The following CUBN variants were observed in gnomAD, a reference collection of about 807,000 sequenced individuals.
CUBN encodes the protein 460 kDa receptor.
A neutral mutation model predicts 405.3 loss-of-function variants in CUBN; 282 were observed. The ratio of observed to expected loss-of-function variants is 0.70; its 90% CI spans 0.63 to 0.77. CUBN has a LOEUF of 0.77. Ranked by LOEUF, CUBN falls within the 30% of genes least tolerant of loss-of-function variation. CUBN has a pLI of 0.00. For synonymous variants in CUBN, 1,684 were observed against 1,617.0 expected (o/e 1.04, Z -0.99); for missense variants, 4,514 against 4,475.2 (o/e 1.01, Z -0.25).
At chr10:17,050,877 C>T (rs1410335445) in intron 22 of CUBN, among the ~76,000 whole-genome samples, 1 of 152,096 alleles carries the variant, frequency 6.6e-6, no homozygotes, top group Non-Finnish European at 1.5e-5. Flanking sequence ...TATTCTTTAG[C>T]AAGTACAGAT....
At position 17,085,789 on chromosome 10, in the gene CUBN, A is replaced by G. The variant is rs1004578557; in HGVS notation, c.1948-30T>C. 5 of 1,605,348 alleles carry G rather than the reference A, an allele frequency of 3.1e-6. No homozygotes were observed. The East Asian group carries it at 1.1e-4, about 36-fold the overall frequency. On this transcript the variant is annotated intron_variant, in intron 15 of 66. Coordinates refer to ENST00000377833, the MANE Select transcript of CUBN (RefSeq NM_001081.4). ...AACAAAAGGATGAATCATTAAGCTC[A>G]AAGTGGTCAGATTTTTAACAAACTA...
chr10:16,840,875 A>G lies in CUBN; in HGVS notation c.9826+10T>C. 6.2e-7 allele frequency: 1 copy of G among 1,603,820 alleles called. No individual in the cohort carries two copies. The highest frequency in any genetic ancestry group is 1.7e-5 in the Admixed American group (1 of 59,994). ...TTTCATAACATATAAAAATGCTTCT[A>G]TTTACTCACTGTCCATGATGGTGTA... On this transcript the variant is annotated intron_variant, in intron 61 of 66. Transcript: ENST00000377833.
Position 16,824,951 on chromosome 10 carries a change from G to A in CUBN, c.*24C>T, listed in dbSNP as rs752695825. 5.2e-6 allele frequency: 8 copies of A among 1,541,708 alleles called. No individual in the cohort carries two copies. In the Middle Eastern group the frequency reaches 5.0e-4, roughly 97 times the overall value. The stretch of plus-strand genomic sequence containing the variant: ...CAGCGTGCTGCAGAGGGAAAGTGCT[G>A]AGTGAACACGAGTTGTTACCCACTT... On this transcript the variant is annotated 3_prime_UTR_variant, in exon 67 of 67. Coordinates refer to ENST00000377833, the MANE Select transcript of CUBN (RefSeq NM_001081.4).
At chr10:17,007,209 G>A (rs1453142509) in intron 28 of CUBN, among the ~76,000 whole-genome samples, 2 of 147,452 alleles carry the variant, frequency 1.4e-5, no homozygotes, top group South Asian at 4.4e-4. Context: ...CCCAGATGGA[G>A]GCCTCCAAGG....
At chr10:17,010,532 A>C (rs1421574473) in intron 28 of CUBN, among the ~76,000 whole-genome samples, 1 of 152,108 alleles carries the variant, frequency 6.6e-6, no homozygotes, top group Admixed American at 6.6e-5. Context: ...TCAGCTACTC[A>C]AGAGGCTGAA....
At chr10:17,052,582 C>A (rs1254756986) in intron 22 of CUBN, among the ~76,000 whole-genome samples, 1 of 151,210 alleles carries the variant, frequency 6.6e-6, no homozygotes, top group Non-Finnish European at 1.5e-5. Context: ...CATGGTGAAA[C>A]CCTGTCTCTA....
At chr10:17,023,332 A>G (rs1302994779) in intron 27 of CUBN, among the ~76,000 whole-genome samples, 1 of 152,072 alleles carries the variant, frequency 6.6e-6, no homozygotes, top group African/African-American at 2.4e-5. Flanking sequence ...ATGCTTAAAT[A>G]TAATGTCCAA....
At chr10:16,993,279 T>C (rs1457644052) in intron 28 of CUBN, among the ~76,000 whole-genome samples, 1 of 152,274 alleles carries the variant, frequency 6.6e-6, no homozygotes, top group Non-Finnish European at 1.5e-5. Flanking sequence ...ATAGCTCATT[T>C]CTGCATTTTT....
intron 30 of CUBN, among the ~76,000 whole-genome samples, 173 bp downstream of exon 30, chr10:16,983,932 G>C (rs974554311): frequency 6.6e-6 from 1 of 152,198 alleles, no homozygotes; most frequent in East Asian, 1.9e-4. Context: ...CCCTTAGGAA[G>C]TTAAACTTTA....
chr10:16,984,112 GAC>G lies in CUBN; in HGVS notation c.4516_4517del (p.Val1506HisfsTer25). 6.2e-7 allele frequency: 1 copy of G among 1,614,134 alleles called. No individual in the cohort carries two copies. The highest frequency in any genetic ancestry group is 8.5e-7 in the Non-Finnish European group (1 of 1,180,024). On this transcript the variant is annotated frameshift_variant, in exon 30 of 67. Coordinates refer to ENST00000377833, the MANE Select transcript of CUBN (RefSeq NM_001081.4). LOFTEE classifies it high-confidence loss of function. ...GRGFNASWQA[V>X]TGGCGGIFQA... ...CCTCCTTTTCTCACTCACCTCCAGTGACTGCTTGCCATGACGCATTGAAGCCT... is the reference window on the plus strand; with the variant it reads ...CCTCCTTTTCTCACTCACCTCCAGTGTGCTTGCCATGACGCATTGAAGCCT...
At chr10:17,125,670 G>C (rs1472694924) in intron 4 of CUBN, among the ~76,000 whole-genome samples, 1 of 152,168 alleles carries the variant, frequency 6.6e-6, no homozygotes, top group Non-Finnish European at 1.5e-5. Context: ...GGGGACTGTG[G>C]TGGCCAGAGA....
rs928535213 is a variant in CUBN at position 16,920,071 on chromosome 10, G to T, written c.6713C>A (p.Pro2238His). ...ATCAGCGTGCGGGGGATAATTATGA[G>T]GGTGGTTGGGGGAGGTCACATACCC... ...SAGYVTSPNH[P>H]HNYPPHADCI... The change falls in exon 44 of 67, where the codon CCT becomes CAT. Residue 2238 changes from proline to histidine, a missense_variant. By Grantham distance (77) the Pro-to-His change is moderately conservative. Coordinates refer to ENST00000377833, the MANE Select transcript of CUBN (RefSeq NM_001081.4). 3 of 1,613,950 alleles carry T rather than the reference G, an allele frequency of 1.9e-6. No homozygotes were observed. The African/African-American group carries it at 4.0e-5, about 22-fold the overall frequency.
intron 48 of CUBN, among the ~76,000 whole-genome samples, chr10:16,908,615 G>C (rs541281491): frequency 6.6e-6 from 1 of 152,212 alleles, no homozygotes; most frequent in Admixed American, 6.5e-5. Context: ...AATAATAGCT[G>C]TAGTCATTCA....
chr10:17,062,672 G>T (rs548995125), intron 22 of CUBN, among the ~76,000 whole-genome samples: 3 of 152,190 alleles, frequency 2.0e-5, no homozygotes, highest in African/African-American at 7.2e-5. Flanking sequence ...ACATATTTTG[G>T]GGCTGACATC....
At chr10:17,077,688 A>G (rs1835882264) in intron 17 of CUBN, among the ~76,000 whole-genome samples, 1 of 152,158 alleles carries the variant, frequency 6.6e-6, no homozygotes, top group Non-Finnish European at 1.5e-5. Flanking sequence ...CATCTTAGCT[A>G]AGTAAAGACT....
chr10:16,901,910 TATATATATACACAC>T (rs1196124285), intron 51 of CUBN, among the ~76,000 whole-genome samples: 1 of 83,866 alleles, frequency 1.2e-5, no homozygotes, highest in Non-Finnish European at 2.8e-5. Flanking sequence ...TATATATATA[TATATATATACACAC>T]ACACACACAC....
Position 17,005,359 on chromosome 10 carries a change from T to A in CUBN, c.4168+14474A>T, listed in dbSNP as rs1833988031. ...AGTATATTGCATATCTGTTATGTAC[T>A]GTATATCTTTATGCTTTATACATTA... On this transcript the variant is annotated intron_variant, in intron 28 of 66. Transcript: ENST00000377833. Among the ~76,000 whole-genome samples the A allele has an allele frequency of 2.0e-5, 3 of 152,222 alleles. 1 individual carries two copies. The South Asian group carries it at 6.2e-4, about 32-fold the overall frequency.
intron 39 of CUBN, among the ~76,000 whole-genome samples, 193 bp from the exon 40 acceptor site, chr10:16,933,477 G>C (rs1277254110): frequency 6.6e-6 from 1 of 152,086 alleles, no homozygotes; most frequent in Admixed American, 6.6e-5. Context: ...GATCTTTGAT[G>C]TAAAAAAAAT....
rs763109017 is a variant in CUBN, at chr10:16,950,101, G to A, written c.4980C>T (p.Ile1660=). The change falls in exon 34 of 67, where the codon ATC becomes ATT. Residue 1660 remains isoleucine, a synonymous_variant. Coordinates refer to ENST00000377833, the MANE Select transcript of CUBN (RefSeq NM_001081.4). ...GTTCAAAGTGGGTAAAAGAGAGGGT[G>A]ATATGATTTACTGGAAGAAAAAAGA... ...IIQAQPPLNH[I]TLSFTHFELE... The A allele has an allele frequency of 6.8e-6, 11 of 1,611,468 alleles. No individual in the cohort carries two copies. The South Asian group carries it at 8.8e-5, about 13-fold the overall frequency.
Sources: allele counts gnomAD v4.1 joint callset (sites outside exome capture counted in the v4.1 genomes callset), GRCh38; gene constraint gnomAD v4.1.1; transcripts MANE v1.5; gene names NCBI Gene and HGNC (gene_info 2026-07-23, HGNC 2026-07-21).